PIGR: variants seen among roughly 807,000 people sequenced by gnomAD.
PIGR encodes polymeric immunoglobulin receptor.
Under a neutral mutation model 69.5 loss-of-function variants are expected in PIGR, and 22 were observed. That is an observed-to-expected ratio of 0.32 (90% confidence interval 0.23 to 0.45). The LOEUF (loss-of-function observed/expected upper bound fraction) is 0.45, where lower values mean the gene tolerates loss of function less well. Among genes scored for constraint, PIGR ranks in the 20% least tolerant of loss-of-function variants. The pLI is 1.00. For synonymous variants in PIGR, 413 were observed against 407.6 expected, an observed-to-expected ratio of 1.01 and a Z score of -0.16; for missense variants, 885 against 974.0, an observed-to-expected ratio of 0.91 and a Z score of 1.22.
chr1:206,940,698 C>G, intron 1 of PIGR, 114 bp from the exon 2 acceptor site: 1 of 610,754 alleles, frequency 1.6e-6, no homozygotes, highest in Non-Finnish European at 2.8e-6. Context: ...TGACATAAAT[C>G]CTGTTGAATG....
In PIGR at chr1:206,934,817, G is replaced by T; in HGVS notation, c.1379-71C>A. On this transcript the variant is annotated intron_variant, in intron 5 of 10. Transcript: ENST00000356495. The stretch of plus-strand genomic sequence containing the variant: ...GGAGATGCTGCAGGGAAGTGACTCT[G>T]GTGGGAATCTTTGTCCACATGTCAT... The T allele has an allele frequency of 4.6e-6, 5 of 1,086,868 alleles. 1 individual carries two copies. The South Asian group carries it at 6.0e-5, about 13-fold the overall frequency. 67.3% of individuals were successfully genotyped at this position (1,086,868 alleles called of 1,614,324 possible). A position where few individuals can be genotyped will look rare whatever the true frequency, so the allele number is the denominator to read the frequency against.
rs1325159018 is a variant in PIGR, at chr1:206,935,271, GC to G, written c.1378+214del. ...CTGATGCCTGCACACTGCGAAAGAA[GC>G]CCATGTTCTTGGTAGTAGGAGGTAC... On this transcript the variant is annotated intron_variant, in intron 5 of 10. Coordinates refer to ENST00000356495, the MANE Select transcript of PIGR (RefSeq NM_002644.4). This position sits in a 1 kb window ranked among gnomAD's most constrained non-coding sequence, Gnocchi z 4.4. Among the ~76,000 whole-genome samples the G allele has an allele frequency of 6.6e-6, 1 of 152,184 alleles. No individual in the cohort carries two copies. The highest frequency in any genetic ancestry group is 6.5e-5 in the Admixed American group (1 of 15,282).
At chr1:206,934,089 T>C (rs960301219) in intron 6 of PIGR, among the ~76,000 whole-genome samples, 4 of 152,178 alleles carry the variant, frequency 2.6e-5, no homozygotes, top group Non-Finnish European at 4.4e-5. Flanking sequence ...GTTGAACTCC[T>C]GGCCTCAAGT....
At chr1:206,933,514 C>T (rs992977450) in intron 6 of PIGR, among the ~76,000 whole-genome samples, 1 of 152,192 alleles carries the variant, frequency 6.6e-6, no homozygotes, top group East Asian at 1.9e-4. Flanking sequence ...TATGATAGTG[C>T]TGCCCCCTGG....
At chr1:206,939,819 C>T (rs905824878) in intron 2 of PIGR, among the ~76,000 whole-genome samples, 1 of 152,176 alleles carries the variant, frequency 6.6e-6, no homozygotes, top group African/African-American at 2.4e-5. Context: ...CTCCGCTTCC[C>T]AGGTTCAAGC....
At position 206,931,805 on chromosome 1, in the gene PIGR, G is replaced by C; in HGVS notation, c.2009-3C>G. ...GTAGCTTCTGATTGAAACTCGGTCT[G>C]TCCGGGAGGAAGAGGAGTTGGTGTA... On this transcript the variant is annotated splice_polypyrimidine_tract_variant and splice_region_variant and intron_variant, in intron 8 of 10. Coordinates refer to ENST00000356495, the MANE Select transcript of PIGR (RefSeq NM_002644.4). 1 of 1,614,102 alleles carries C rather than the reference G, an allele frequency of 6.2e-7. No homozygotes were observed.
In PIGR at chr1:206,935,403, G is replaced by T; in HGVS notation, c.1378+83C>A. On this transcript the variant is annotated intron_variant, in intron 5 of 10. Coordinates refer to ENST00000356495, the MANE Select transcript of PIGR (RefSeq NM_002644.4). The surrounding 1 kb of genome is among the most constrained non-coding windows in gnomAD (Gnocchi z 4.4). ...GTCTGGCCCATCAGGGTGGAGGCGG[G>T]TGAAAAAGGAGGAAGAGTGGTTGGG... 8.2e-7 allele frequency: 1 copy of T among 1,221,766 alleles called. No individual in the cohort carries two copies. Among genetic ancestry groups the T allele is most frequent in the Non-Finnish European group, 1.2e-6 (1 of 854,882 alleles). The allele number at this position is 1,221,766 out of a possible 1,614,324, so 75.7% of individuals were successfully genotyped here.
intron 1 of PIGR, among the ~76,000 whole-genome samples, chr1:206,943,578 T>C (rs1360489059): frequency 1.3e-5 from 2 of 152,208 alleles, no homozygotes; most frequent in African/African-American, 4.8e-5. Context: ...ATAGTTTTTC[T>C]TTTTATAAAA....
In PIGR at chr1:206,932,594, G is replaced by A. The variant is rs771994476; in HGVS notation, c.1887-17C>T. On this transcript the variant is annotated splice_polypyrimidine_tract_variant and intron_variant, in intron 7 of 10. Coordinates refer to ENST00000356495, the MANE Select transcript of PIGR (RefSeq NM_002644.4). ...TCCTCAGAGCTGGAAGAAGGCTTAA[G>A]TTAGTTCATCCCTGGAAGGGAGATC... 1 of 1,603,332 alleles carries A rather than the reference G, an allele frequency of 6.2e-7. No homozygotes were observed. The highest frequency in any genetic ancestry group is 1.7e-5 in the Admixed American group (1 of 57,868).
In PIGR at chr1:206,935,579, T is replaced by C; in HGVS notation, c.1285A>G (p.Asn429Asp). ...PGNGTFTVIL[N>D]QLTSRDAGFY... ...CCGGCGTCCCGGCTGGTGAGCTGGT[T>C]GAGGATGACAGTGAAGGTGCCGTTG... The change falls in exon 5 of 11, where the codon AAC becomes GAC. Residue 429 changes from asparagine to aspartate, a missense_variant. Transcript: ENST00000356495. This position sits in a 1 kb window ranked among gnomAD's most constrained non-coding sequence, Gnocchi z 4.4. 1 of 1,614,164 alleles carries C rather than the reference T, an allele frequency of 6.2e-7. No homozygotes were observed. The highest frequency in any genetic ancestry group is 8.5e-7 in the Non-Finnish European group (1 of 1,180,022).
chr1:206,945,170 G>A (rs1274421176), intron 1 of PIGR, among the ~76,000 whole-genome samples: 1 of 152,170 alleles, frequency 6.6e-6, no homozygotes, highest in African/African-American at 2.4e-5. Context: ...TTCCAGATCT[G>A]GCTCTGGGAA....
chr1:206,937,101 T>G lies in PIGR; in HGVS notation c.1039A>C (p.Asn347His), dbSNP rs550600749. 3 of 1,593,378 alleles carry G rather than the reference T, an allele frequency of 1.9e-6. No homozygotes were observed. The highest frequency in any genetic ancestry group is 1.7e-6 in the Non-Finnish European group (2 of 1,169,602). Reference protein sequence around the residue: ...SPIQAWQLFVNEESTIPRSPT... With the variant: ...SPIQAWQLFVHEESTIPRSPT... ...TCCCTCTCTAGGGTCTTACCCTCATTGACGAAGAGTTGCCAGGCCTGGATA... is the reference window on the plus strand; with the variant it reads ...TCCCTCTCTAGGGTCTTACCCTCATGGACGAAGAGTTGCCAGGCCTGGATA... The change falls in exon 4 of 11, where the codon AAT (asparagine) becomes CAT (histidine). Residue 347 changes from asparagine to histidine, a missense_variant. Asn to His is a moderately conservative substitution (Grantham distance 68). Coordinates refer to ENST00000356495, the MANE Select transcript of PIGR (RefSeq NM_002644.4).
chr1:206,929,470 C>T lies in PIGR; in HGVS notation c.*848G>A, dbSNP rs1679684951. The T allele has an allele frequency of 6.6e-6, 1 of 151,898 alleles. No individual in the cohort carries two copies. Among genetic ancestry groups the T allele is most frequent in the Non-Finnish European group, 1.5e-5 (1 of 67,998 alleles). The allele number at this position is 151,898 out of a possible 1,614,324, so 9.4% of individuals were successfully genotyped here. A position where few individuals can be genotyped will look rare whatever the true frequency, so the allele number is the denominator to read the frequency against. On this transcript the variant is annotated 3_prime_UTR_variant, in exon 11 of 11. Coordinates refer to ENST00000356495, the MANE Select transcript of PIGR (RefSeq NM_002644.4). ...GGTGAGGCAGGAGAATGGTGTCAAC[C>T]TGGGAGGCGGAGGTTGCAGTGAGCC...
intron 2 of PIGR, 122 bp downstream of exon 2, chr1:206,940,367 G>C (rs1048051932): frequency 1.1e-6 from 1 of 890,466 alleles, no homozygotes; most frequent in African/African-American, 1.7e-5. Context: ...TCAAGGAAGT[G>C]CCAACTTTGA....
intron 1 of PIGR, among the ~76,000 whole-genome samples, chr1:206,941,760 T>G (rs1679991171): frequency 6.6e-6 from 1 of 152,248 alleles, no homozygotes; most frequent in Non-Finnish European, 1.5e-5. Context: ...GGGGTCTGCC[T>G]GACAGCAGCT....
At chr1:206,938,887 G>T (rs147688426) in intron 3 of PIGR, among the ~76,000 whole-genome samples, 1 of 152,122 alleles carries the variant, frequency 6.6e-6, no homozygotes, top group Admixed American at 6.5e-5. Context: ...TCTCCAGAAA[G>T]CCTAAAATGT....
chr1:206,945,339 G>T (rs1680083085), intron 1 of PIGR, among the ~76,000 whole-genome samples: 1 of 152,208 alleles, frequency 6.6e-6, no homozygotes, highest in Non-Finnish European at 1.5e-5. Context: ...TGTGGCAATT[G>T]CACAAAGGGA....
At chr1:206,933,857 C>A (rs948881866) in intron 6 of PIGR, among the ~76,000 whole-genome samples, 13 of 150,454 alleles carry the variant, frequency 8.6e-5, no homozygotes, top group African/African-American at 3.2e-4. Flanking sequence ...GTTGAAGTGG[C>A]AACTATGGGA....
intron 1 of PIGR, among the ~76,000 whole-genome samples, 165 bp downstream of exon 1, chr1:206,946,171 C>T (rs184073790): frequency 3.3e-5 from 5 of 152,170 alleles, no homozygotes; most frequent in Admixed American, 2.0e-4. Flanking sequence ...GCGATATGCA[C>T]GCTTACTCCC....
Sources: allele counts gnomAD v4.1 joint callset (sites outside exome capture counted in the v4.1 genomes callset), GRCh38; gene constraint gnomAD v4.1.1; non-coding constraint Gnocchi (gnomAD v3.1); transcripts MANE v1.5; gene names NCBI Gene and HGNC (gene_info 2026-07-23, HGNC 2026-07-21).